Variants in SPAG1 observed in about 807,000 individuals in gnomAD.
SPAG1 encodes sperm associated antigen 1.
A neutral mutation model predicts 100.5 loss-of-function variants in SPAG1; 69 were observed. That is an observed-to-expected ratio of 0.69 (90% CI 0.57 to 0.84). SPAG1 has a LOEUF of 0.84. Among genes scored for constraint, SPAG1 ranks in the 40% least tolerant of loss-of-function variants. The pLI, the probability that SPAG1 is intolerant of heterozygous loss-of-function variation, is 0.00. For missense variants in SPAG1, 955 were observed against 1,133.1 expected (o/e 0.84, Z 2.26); for synonymous variants, 336 against 411.6 (o/e 0.82, Z 2.22).
chr8:100,211,482 C>A (rs1817714701), intron 10 of SPAG1, among the ~76,000 whole-genome samples: 1 of 152,078 alleles, frequency 6.6e-6, no homozygotes. Flanking sequence ...ATAGCAAGGC[C>A]TCATCTGTAT....
At chr8:100,216,006 T>C (rs953833811) in intron 12 of SPAG1, among the ~76,000 whole-genome samples, 3 of 152,230 alleles carry the variant, frequency 2.0e-5, no homozygotes, top group South Asian at 2.1e-4. Context: ...TCGCTAATCA[T>C]TACATTTTTC....
intron 8 of SPAG1, among the ~76,000 whole-genome samples, chr8:100,189,555 C>T (rs947790240): frequency 4.0e-5 from 6 of 148,574 alleles, no homozygotes; most frequent in Admixed American, 6.7e-5. Flanking sequence ...CTTGGGAGGC[C>T]GAGGCAGGAG....
intron 10 of SPAG1, among the ~76,000 whole-genome samples, chr8:100,201,103 TTTCC>T (rs770714931): frequency 4.7e-4 from 72 of 152,042 alleles, no homozygotes; most frequent in East Asian, 7.7e-4. Flanking sequence ...TTTATTTCTT[TTTCC>T]TTCCTTCCTT....
At chr8:100,160,986 G>T (rs1261603673) in intron 1 of SPAG1, among the ~76,000 whole-genome samples, 1 of 152,122 alleles carries the variant, frequency 6.6e-6, no homozygotes, top group Non-Finnish European at 1.5e-5. Context: ...CAGGGACAGA[G>T]AATTCAAAAT....
At chr8:100,180,130 G>A (rs893161894) in intron 4 of SPAG1, among the ~76,000 whole-genome samples, 6 of 152,114 alleles carry the variant, frequency 3.9e-5, no homozygotes, top group Non-Finnish European at 5.9e-5. Flanking sequence ...CCAGGAGTTC[G>A]AGGCCTGGGC....
At chr8:100,230,335 G>A (rs1038382720) in intron 14 of SPAG1, among the ~76,000 whole-genome samples, 4 of 152,198 alleles carry the variant, frequency 2.6e-5, no homozygotes, top group East Asian at 1.9e-4. Flanking sequence ...TGGTTCTGTC[G>A]TATCCAAGCT....
intron 12 of SPAG1, among the ~76,000 whole-genome samples, chr8:100,214,906 G>A (rs1372425823): frequency 1.3e-5 from 2 of 149,784 alleles, no homozygotes; most frequent in African/African-American, 4.9e-5. Context: ...CTTGAACCTG[G>A]GAGGCAGATG....
chr8:100,236,224 C>T (rs142615296), intron 16 of SPAG1, among the ~76,000 whole-genome samples: 1 of 152,110 alleles, frequency 6.6e-6, no homozygotes, highest in Non-Finnish European at 1.5e-5. Context: ...AATCCTATCC[C>T]ACTAGATTAT....
intron 10 of SPAG1, among the ~76,000 whole-genome samples, chr8:100,206,258 A>T (rs544132085): frequency 5.3e-5 from 8 of 152,286 alleles, no homozygotes; most frequent in Non-Finnish European, 8.8e-5. Flanking sequence ...GTATGCAGCC[A>T]CTGACTTGGC....
At chr8:100,172,692 A>T (rs923840290) in intron 3 of SPAG1, among the ~76,000 whole-genome samples, 14 of 151,560 alleles carry the variant, frequency 9.2e-5, no homozygotes, top group African/African-American at 3.4e-4. Context: ...GTATGTGTAT[A>T]TATATGTGTG....
intron 12 of SPAG1, among the ~76,000 whole-genome samples, chr8:100,214,991 A>G (rs1326340523): frequency 0.3 from 29 of 96 alleles, no homozygotes; most frequent in Admixed American, 0.5. Context: ...CTTTACTCAT[A>G]TATATATATA....
At chr8:100,231,947 G>A (rs1159158097) in intron 15 of SPAG1, among the ~76,000 whole-genome samples, 1 of 146,210 alleles carries the variant, frequency 6.8e-6, no homozygotes, top group East Asian at 2.0e-4. Context: ...GGGTGAAAGA[G>A]CAAGACTCTG....
intron 4 of SPAG1, among the ~76,000 whole-genome samples, chr8:100,180,989 T>C (rs900502948): frequency 6.6e-5 from 10 of 152,206 alleles, no homozygotes; most frequent in African/African-American, 2.4e-4. Flanking sequence ...GAGAGTGTCA[T>C]GATACTGAAA....
In SPAG1 at chr8:100,194,343, C is replaced by T. The variant is rs115419728; in HGVS notation, c.1096+75C>T. 2,081 of 1,551,332 alleles carry T rather than the reference C, an allele frequency of 1.3e-3. 26 individuals carry two copies. The African/African-American group carries it at 0.024, about 18-fold the overall frequency. On this transcript the variant is annotated intron_variant, in intron 10 of 18. Transcript: ENST00000388798. ...GATGAGCTGGCTCAATTTTTCTATT[C>T]GTACAGAAATTCGTAATCTATCAGT...
At chr8:100,163,295 A>G (rs1318913723) in intron 2 of SPAG1, among the ~76,000 whole-genome samples, 2 of 152,238 alleles carry the variant, frequency 1.3e-5, no homozygotes, top group Admixed American at 6.5e-5. Context: ...GTTTTTAACA[A>G]TGGAGCTGGC....
rs372454582 is a variant in SPAG1, at chr8:100,162,329, A to G, written c.49A>G (p.Thr17Ala). The change falls in exon 2 of 19, where the codon ACA becomes GCA. Residue 17 changes from threonine (T) to alanine (A), a missense_variant. Thr to Ala is a moderately conservative substitution (Grantham distance 58). Transcript: ENST00000388798. Reference protein sequence around the residue: ...PSLWGFGTTKTFKIPIEHLDF... With the variant: ...PSLWGFGTTKAFKIPIEHLDF... Reference sequence around the variant, plus strand: ...ATTGTGGGGCTTTGGAACAACAAAAACATTCAAAATTCCCATTGAACATCT... The same window carrying G: ...ATTGTGGGGCTTTGGAACAACAAAAGCATTCAAAATTCCCATTGAACATCT... 5 of 1,605,410 alleles carry G rather than the reference A, an allele frequency of 3.1e-6. No homozygotes were observed. The African/African-American group carries it at 4.0e-5, about 13-fold the overall frequency.
intron 2 of SPAG1, chr8:100,165,565 C>T: frequency 2.4e-6 from 1 of 410,562 alleles, no homozygotes; most frequent in Non-Finnish European, 4.4e-6. Flanking sequence ...CCGCCCCACT[C>T]ACCCTTATCC....
chr8:100,202,627 G>C (rs981192008), intron 10 of SPAG1, among the ~76,000 whole-genome samples: 1 of 146,510 alleles, frequency 6.8e-6, no homozygotes, highest in Non-Finnish European at 1.5e-5. Flanking sequence ...GGAGAATGGC[G>C]TGAACCCGGG....
chr8:100,184,026 C>G lies in SPAG1; in HGVS notation c.559C>G (p.His187Asp). ...AGAAAAGACGGTAATAGACAAGTCA[C>G]ACTTGTCTAAAATTGAGACAAGAAT... ...YKEKTVIDKS[H>D]LSKIETRIDT... is the part of the protein sequence containing the mutation. The change falls in exon 6 of 19, where the codon CAC becomes GAC. Residue 187 changes from histidine (H) to aspartate (D), a missense_variant. Transcript: ENST00000388798. The G allele has an allele frequency of 2.0e-6, 3 of 1,525,668 alleles. No homozygotes were observed. The highest frequency in any genetic ancestry group is 2.6e-6 in the Non-Finnish European group (3 of 1,133,774). The allele number at this position is 1,525,668 out of a possible 1,614,324, so 94.5% of individuals were successfully genotyped here. A position where few individuals can be genotyped will look rare whatever the true frequency, so the allele number is the denominator to read the frequency against.
Sources: allele counts gnomAD v4.1 joint callset (sites outside exome capture counted in the v4.1 genomes callset), GRCh38; gene constraint gnomAD v4.1.1; transcripts MANE v1.5; gene names NCBI Gene and HGNC (gene_info 2026-07-23, HGNC 2026-07-21).